Variants in GUCY1A1 observed in about 807,000 individuals in gnomAD.
The protein encoded by GUCY1A1 is guanylate cyclase soluble subunit alpha-1.
In GUCY1A1, 48 loss-of-function variants were observed where a neutral mutation model predicts 64.5. The observed-to-expected ratio is 0.74, with a 90% confidence interval of 0.59 to 0.95. The LOEUF (loss-of-function observed/expected upper bound fraction) is 0.95, where lower values mean the gene tolerates loss of function less well. Ranked by LOEUF, GUCY1A1 falls within the 40% of genes least tolerant of loss-of-function variation. GUCY1A1 has a pLI of 0.00. For synonymous variants in GUCY1A1, 308 were observed against 303.4 expected (o/e 1.02, Z -0.16); for missense variants, 804 against 825.3 (o/e 0.97, Z 0.32).
At chr4:155,707,349 G>A (rs1451390356) in intron 4 of GUCY1A1, among the ~76,000 whole-genome samples, 4 of 152,142 alleles carry the variant, frequency 2.6e-5, no homozygotes, top group African/African-American at 2.4e-5. Flanking sequence ...GCTTAGCCTT[G>A]CCTACCTTAC....
chr4:155,699,248 C>T (rs1730788279), intron 3 of GUCY1A1, among the ~76,000 whole-genome samples: 1 of 151,934 alleles, frequency 6.6e-6, no homozygotes. Context: ...TTGAGAGCCT[C>T]TCAAACATTT....
At chr4:155,671,424 G>A (rs1050550072) in intron 2 of GUCY1A1, among the ~76,000 whole-genome samples, 8 of 152,080 alleles carry the variant, frequency 5.3e-5, no homozygotes, top group South Asian at 4.2e-4. Flanking sequence ...ACTACCAATT[G>A]CTTCACTCCA....
Position 155,710,792 on chromosome 4 carries a change from A to T in GUCY1A1, c.627A>T (p.Arg209Ser), listed in dbSNP as rs963953542. The T allele has an allele frequency of 6.2e-7, 1 of 1,613,952 alleles. No homozygotes were observed. The highest frequency in any genetic ancestry group is 1.7e-5 in the Admixed American group (1 of 60,000). Residue 209 changes from arginine (R) to serine (S), a missense_variant, in exon 6 of 10, where the codon AGA becomes AGT. Coordinates refer to ENST00000506455, the MANE Select transcript of GUCY1A1 (RefSeq NM_001130682.3). The stretch of plus-strand genomic sequence containing the variant: ...ATGTTTACTACTTCTTCCCTAAGAG[A>T]ACCACCTCCCTGATTCTTCCCGGCA... ...FLHVYYFFPK[R>S]TTSLILPGII...
intron 9 of GUCY1A1, among the ~76,000 whole-genome samples, chr4:155,727,057 A>C (rs1463363491): frequency 2.0e-5 from 3 of 152,000 alleles, no homozygotes; most frequent in African/African-American, 7.2e-5. Context: ...TGACTTCTGT[A>C]AGAAGAAGGA....
At chr4:155,698,390 G>A (rs35904102) in intron 3 of GUCY1A1, among the ~76,000 whole-genome samples, 5,954 of 152,284 alleles carry the variant, frequency 0.039, 149 homozygotes, top group Middle Eastern at 0.082. Flanking sequence ...CTAGGATAAA[G>A]GATAGAGCCC....
At chr4:155,726,625 C>T (rs2126989010) in intron 9 of GUCY1A1, among the ~76,000 whole-genome samples, 1 of 152,016 alleles carries the variant, frequency 6.6e-6, no homozygotes, top group South Asian at 2.1e-4. Context: ...ACACAGAATA[C>T]ATACCTATAC....
chr4:155,716,176 T>C (rs917050646), intron 7 of GUCY1A1, among the ~76,000 whole-genome samples: 4 of 152,038 alleles, frequency 2.6e-5, no homozygotes, highest in African/African-American at 9.7e-5. Flanking sequence ...AAGTCAGAGA[T>C]TAGGAGAAAG....
intron 9 of GUCY1A1, among the ~76,000 whole-genome samples, chr4:155,728,951 A>G (rs968633889): frequency 1.3e-5 from 2 of 151,850 alleles, no homozygotes; most frequent in African/African-American, 4.8e-5. Flanking sequence ...TTATAAATTC[A>G]TGACTAAGGC....
At chr4:155,676,070 T>C (rs1246595170) in intron 2 of GUCY1A1, among the ~76,000 whole-genome samples, 1 of 150,602 alleles carries the variant, frequency 6.6e-6, no homozygotes, top group African/African-American at 2.5e-5. Flanking sequence ...AATGAAGAGG[T>C]TGCCCAATAG....
chr4:155,674,276 C>T (rs1369982230), intron 2 of GUCY1A1, among the ~76,000 whole-genome samples: 1 of 150,968 alleles, frequency 6.6e-6, no homozygotes, highest in African/African-American at 2.5e-5. Flanking sequence ...ATTGCTTGAA[C>T]CCAGGAGGTG....
At chr4:155,707,839 C>T (rs10011882) in intron 4 of GUCY1A1, among the ~76,000 whole-genome samples, 69,376 of 143,158 alleles carry the variant, frequency 0.48, 19,189 homozygotes, top group African/African-American at 0.77. Flanking sequence ...TTCTTTCTTT[C>T]TTTTTTTTTT....
chr4:155,712,734 A>T (rs1432819915), intron 6 of GUCY1A1, among the ~76,000 whole-genome samples: 9 of 152,176 alleles, frequency 5.9e-5, no homozygotes. Context: ...AAGAAAGGAC[A>T]CATTTTCCTG....
intron 3 of GUCY1A1, among the ~76,000 whole-genome samples, chr4:155,702,746 T>G (rs1579065621): frequency 6.6e-6 from 1 of 152,022 alleles, no homozygotes; most frequent in African/African-American, 2.4e-5. Flanking sequence ...CTAAGCTTTG[T>G]ATGTGTATAT....
chr4:155,709,561 T>C (rs7689264), intron 5 of GUCY1A1, among the ~76,000 whole-genome samples: 79,493 of 152,096 alleles, frequency 0.52, 22,895 homozygotes, highest in East Asian at 0.73. Flanking sequence ...TGGCAAGGCA[T>C]GGTGGTTCAC....
chr4:155,721,165 G>A (rs1165156994), intron 8 of GUCY1A1, among the ~76,000 whole-genome samples: 1 of 150,412 alleles, frequency 6.6e-6, no homozygotes, highest in African/African-American at 2.5e-5. Context: ...TCAGGAGGCT[G>A]AGATGGGAGG....
intron 9 of GUCY1A1, among the ~76,000 whole-genome samples, chr4:155,724,813 C>T (rs1259568896): frequency 6.6e-6 from 1 of 152,042 alleles, no homozygotes; most frequent in African/African-American, 2.4e-5. Flanking sequence ...GAGCTACAGA[C>T]TCATATATCC....
rs2110853497 is a variant in GUCY1A1, at chr4:155,734,732, A to C, written c.*4501A>C. ...TTCAGTGCTGCAGAGACGGTAGCAA[A>C]GTGCAGTTCTCTTGTTAAAACACAG... On this transcript the variant is annotated 3_prime_UTR_variant, in exon 10 of 10. Transcript: ENST00000506455. 6.6e-6 allele frequency: 1 copy of C among 152,068 alleles called. No homozygotes were observed. The highest frequency in any genetic ancestry group is 6.6e-5 in the Admixed American group (1 of 15,250). The allele number at this position is 152,068 out of a possible 1,614,324, so 9.4% of individuals were successfully genotyped here.
chr4:155,681,698 A>T (rs1164886685), intron 2 of GUCY1A1, among the ~76,000 whole-genome samples: 1 of 152,146 alleles, frequency 6.6e-6, no homozygotes, highest in Non-Finnish European at 1.5e-5. Flanking sequence ...TACTTTCTCC[A>T]GTCCTTAAAC....
intron 4 of GUCY1A1, among the ~76,000 whole-genome samples, chr4:155,707,188 G>A (rs72687507): frequency 1.3e-5 from 2 of 152,122 alleles, no homozygotes; most frequent in East Asian, 1.9e-4. Flanking sequence ...CCTCTTCTTG[G>A]CCACTTCACA....
Sources: gnomAD v4.1 joint callset for allele counts (sites outside exome capture counted in the v4.1 genomes callset) on GRCh38, gnomAD v4.1.1 for gene constraint, MANE v1.5 for transcripts, NCBI Gene and HGNC (gene_info 2026-07-23, HGNC 2026-07-21) for gene names.